The following KIF5A variants were observed in gnomAD, a reference collection of about 807,000 sequenced individuals.
KIF5A encodes kinesin family member 5A.
In KIF5A, 35 loss-of-function variants were observed where a neutral mutation model predicts 141.3. The observed-to-expected ratio is 0.25, with a 90% CI of 0.19 to 0.33. KIF5A has a LOEUF of 0.33. Ranked by LOEUF, KIF5A falls within the 10% of genes least tolerant of loss-of-function variation. The pLI, the probability that KIF5A is intolerant of heterozygous loss-of-function variation, is 1.00. For missense variants in KIF5A, 861 were observed against 1,314.3 expected, an observed-to-expected ratio of 0.66 and a Z score of 5.33; for synonymous variants, 448 against 500.2, an observed-to-expected ratio of 0.90 and a Z score of 1.39.
At chr12:57,558,610 G>C (rs1288290559) in intron 1 of KIF5A, among the ~76,000 whole-genome samples, 2 of 152,196 alleles carry the variant, frequency 1.3e-5, no homozygotes, top group Non-Finnish European at 2.9e-5. Context: ...GGAGGCAGAG[G>C]TTGCGGTGAG....
At chr12:57,555,832 C>T (rs1251410005) in intron 1 of KIF5A, among the ~76,000 whole-genome samples, 7 of 145,442 alleles carry the variant, frequency 4.8e-5, no homozygotes, top group African/African-American at 1.8e-4. Context: ...TCGCTTGAAC[C>T]TGGGAGGCGA....
At chr12:57,580,559 C>T (rs1269887476) in intron 23 of KIF5A, among the ~76,000 whole-genome samples, 1 of 152,154 alleles carries the variant, frequency 6.6e-6, no homozygotes, top group South Asian at 2.1e-4. Flanking sequence ...AAAGCCCTCT[C>T]TGGGGAAGCG....
chr12:57,576,610 G>GAA (rs1882433892), intron 19 of KIF5A, 151 bp from the exon 20 acceptor site: 1 of 724,538 alleles, frequency 1.4e-6, no homozygotes, highest in Admixed American at 2.0e-5. Context: ...GGAAACAGTG[G>GAA]CCTGAGTCTG....
chr12:57,563,412 G>A lies in KIF5A; in HGVS notation c.130-27G>A, dbSNP rs375114892. The A allele has an allele frequency of 7.0e-5, 108 of 1,537,612 alleles. No individual in the cohort carries two copies. The African/African-American group carries it at 1.1e-3, about 15-fold the overall frequency. On this transcript the variant is annotated intron_variant, in intron 1 of 28. Coordinates refer to ENST00000455537, the MANE Select transcript of KIF5A (RefSeq NM_004984.4). ...TTTCCCTCACATCCTGCCTGTTGAC[G>A]TCTGATATCTTTTATTTTCATTCCA...
At chr12:57,569,106 C>A in intron 9 of KIF5A, 39 bp downstream of exon 9, 1 of 1,567,590 alleles carries the variant, frequency 6.4e-7, no homozygotes, top group Non-Finnish European at 8.8e-7. Context: ...TCAAGCCACA[C>A]CCCATCTCCT....
rs542007926 is a variant in KIF5A at position 57,565,602 on chromosome 12, G to A, written c.501+629G>A. 4.0e-5 allele frequency among the ~76,000 whole-genome samples: 6 copies of A among 150,766 alleles called. No homozygotes were observed. The South Asian group carries it at 8.4e-4, about 21-fold the overall frequency. The stretch of plus-strand genomic sequence containing the variant: ...CAGCCTGGCCAACATAGCAAGACCC[G>A]TCTCTCTTATTTAATCTAATTTTTT... On this transcript the variant is annotated intron_variant, in intron 6 of 28. Coordinates refer to ENST00000455537, the MANE Select transcript of KIF5A (RefSeq NM_004984.4).
intron 20 of KIF5A, 107 bp downstream of exon 20, chr12:57,576,969 C>T (rs12228036): frequency 1.2e-6 from 1 of 807,038 alleles, no homozygotes; most frequent in Non-Finnish European, 2.1e-6. Context: ...GATAGGGTGA[C>T]TCATGGGAAA....
At chr12:57,566,214 C>G (rs539648605) in intron 6 of KIF5A, among the ~76,000 whole-genome samples, 1 of 152,144 alleles carries the variant, frequency 6.6e-6, no homozygotes, top group South Asian at 2.1e-4. Flanking sequence ...AAGTGATTCT[C>G]CTGCCTCAGC....
At chr12:57,573,925 T>C (rs1245614685) in intron 15 of KIF5A, among the ~76,000 whole-genome samples, 4 of 143,880 alleles carry the variant, frequency 2.8e-5, no homozygotes, top group South Asian at 4.4e-4. Flanking sequence ...ACTAAAAAAA[T>C]ACAAAAAATT....
chr12:57,578,405 T>G lies in KIF5A; in HGVS notation c.2538+63T>G, dbSNP rs564323208. On this transcript the variant is annotated intron_variant, in intron 23 of 28. Transcript: ENST00000455537. ...GCCGGGTAGCTAGCATACCAAATCC[T>G]CAGAGGCCCCTTGGATTCAGGAAAA... 5 of 1,094,660 alleles carry G rather than the reference T, an allele frequency of 4.6e-6. No homozygotes were observed. The East Asian group carries it at 1.2e-4, about 26-fold the overall frequency. The allele number at this position is 1,094,660 out of a possible 1,614,324, so 67.8% of individuals were successfully genotyped here.
intron 6 of KIF5A, among the ~76,000 whole-genome samples, chr12:57,566,006 G>A (rs1285453881): frequency 2.6e-5 from 4 of 151,920 alleles, no homozygotes; most frequent in Non-Finnish European, 4.4e-5. Context: ...GGCTGAGGCG[G>A]GAGAATTGCT....
intron 4 of KIF5A, 60 bp from the exon 5 acceptor site, chr12:57,564,400 C>T (rs1882001098): frequency 1.5e-6 from 2 of 1,304,648 alleles, no homozygotes; most frequent in African/African-American, 2.9e-5. Context: ...GTATGGGATT[C>T]CTGAACTAGA....
chr12:57,562,399 A>G (rs1881935581), intron 1 of KIF5A, among the ~76,000 whole-genome samples: 1 of 152,180 alleles, frequency 6.6e-6, no homozygotes, highest in South Asian at 2.1e-4. Context: ...TATTTTTAGT[A>G]GAGATGGGGT....
intron 26 of KIF5A, 99 bp downstream of exon 26, chr12:57,582,051 A>C: frequency 1.0e-6 from 1 of 981,490 alleles, no homozygotes; most frequent in Non-Finnish European, 1.6e-6. Flanking sequence ...CACTGACTGA[A>C]CCTTTCTGGT....
At chr12:57,583,253 G>C in intron 28 of KIF5A, 38 bp downstream of exon 28, 1 of 1,291,146 alleles carries the variant, frequency 7.7e-7, no homozygotes, top group African/African-American at 1.5e-5. Flanking sequence ...GCCTCAGGTT[G>C]CTTCCCTTCT....
In KIF5A at chr12:57,554,635, T is replaced by C. The variant is rs144841757; in HGVS notation, c.129+4235T>C. Among the ~76,000 whole-genome samples, 441 of 152,286 alleles carry C rather than the reference T, an allele frequency of 2.9e-3. 4 individuals carry two copies. The highest frequency in any genetic ancestry group is 9.8e-3 in the African/African-American group (407 of 41,536). The stretch of plus-strand genomic sequence containing the variant: ...GGAATACCCCAGGCTGGGTAATTTA[T>C]AAAGAAAAGAGATATATTTGGCTAA... On this transcript the variant is annotated intron_variant, in intron 1 of 28. Coordinates refer to ENST00000455537, the MANE Select transcript of KIF5A (RefSeq NM_004984.4).
At chr12:57,553,251 T>C (rs571971059) in intron 1 of KIF5A, among the ~76,000 whole-genome samples, 1 of 152,228 alleles carries the variant, frequency 6.6e-6, no homozygotes, top group Non-Finnish European at 1.5e-5. Flanking sequence ...AAGAAACACA[T>C]ACATACACAC....
intron 15 of KIF5A, 87 bp from the exon 16 acceptor site, chr12:57,574,997 G>A (rs1190952763): frequency 8.4e-7 from 1 of 1,188,630 alleles, no homozygotes. Flanking sequence ...GCGTATGTGG[G>A]TGTGTATGGG....
chr12:57,563,319 C>G, intron 1 of KIF5A, 120 bp from the exon 2 acceptor site: 1 of 760,350 alleles, frequency 1.3e-6, no homozygotes, highest in South Asian at 1.5e-5. Flanking sequence ...TCCCACATTT[C>G]TGTTCATTAA....
Sources: allele counts gnomAD v4.1 joint callset (sites outside exome capture counted in the v4.1 genomes callset), GRCh38; gene constraint gnomAD v4.1.1; transcripts MANE v1.5; gene names NCBI Gene and HGNC (gene_info 2026-07-23, HGNC 2026-07-21).